Variants in RARB observed in about 807,000 individuals in gnomAD.
RARB encodes retinoic acid receptor beta.
RARB carries 17 observed loss-of-function variants against 51.9 expected under a neutral mutation model. The ratio of observed to expected loss-of-function variants is 0.33; its 90% CI spans 0.22 to 0.49. The LOEUF (loss-of-function observed/expected upper bound fraction) is 0.49, where lower values mean the gene tolerates loss of function less well. RARB is among the 20% of genes least tolerant of loss of function. The pLI, the probability that RARB is intolerant of heterozygous loss-of-function variation, is 0.99. For synonymous variants in RARB, 215 were observed against 195.4 expected, an observed-to-expected ratio of 1.10 and a Z score of -0.84; for missense variants, 369 against 550.8, an observed-to-expected ratio of 0.67 and a Z score of 3.30.
At chr3:25,082,060 A>G (rs1173426468) in intron 3 of RARB, among the ~76,000 whole-genome samples, 1 of 152,130 alleles carries the variant, frequency 6.6e-6, no homozygotes, top group East Asian at 1.9e-4. Context: ...CCTTGCTGAC[A>G]TTTATATAGC....
intron 5 of RARB, among the ~76,000 whole-genome samples, chr3:25,350,512 TTATCTCCC>T (rs1417532878): frequency 1.3e-5 from 2 of 152,180 alleles, no homozygotes; most frequent in Non-Finnish European, 2.9e-5. Flanking sequence ...TCTAGCTACT[TTATCTCCC>T]CTTATCCTGC....
intron 2 of RARB, among the ~76,000 whole-genome samples, chr3:24,919,077 TGTCCCTCATAGTAA>T (rs1414655391): frequency 6.6e-6 from 1 of 152,180 alleles, no homozygotes; most frequent in Non-Finnish European, 1.5e-5. Context: ...AATAAGAGTA[TGTCCCTCATAGTAA>T]TTTTAACAAA....
In RARB at chr3:25,163,989, G is replaced by A. The variant is rs116771461; in HGVS notation, c.-279-10130G>A. Among the ~76,000 whole-genome samples, 807 of 152,240 alleles carry A rather than the reference G, an allele frequency of 5.3e-3. 4 individuals carry two copies. The highest frequency in any genetic ancestry group is 0.018 in the African/African-American group (754 of 41,540). On this transcript the variant is annotated intron_variant, in intron 4 of 11. Coordinates refer to the RARB transcript ENST00000383772. ...AAATGGGTACTGATTCCTCTCCAAA[G>A]AGCTTGGTATGGTGGACAAAGAACA...
chr3:25,163,504 A>AAAAAAAATATATATATATATAT (rs1303712411), intron 4 of RARB, among the ~76,000 whole-genome samples: 8 of 131,092 alleles, frequency 6.1e-5, no homozygotes, highest in African/African-American at 2.6e-4. Flanking sequence ...CCTATCTCAA[A>AAAAAAAATATATATATATATAT]ATATATATAT....
chr3:25,185,405 C>T (rs1172024507), intron 5 of RARB, among the ~76,000 whole-genome samples: 1 of 152,068 alleles, frequency 6.6e-6, no homozygotes, highest in Non-Finnish European at 1.5e-5. Flanking sequence ...CCTTTATAAA[C>T]AATCTCTAAT....
At chr3:25,455,855 G>A (rs1694879353) in intron 1 of RARB, among the ~76,000 whole-genome samples, 1 of 152,200 alleles carries the variant, frequency 6.6e-6, no homozygotes, top group Non-Finnish European at 1.5e-5. Context: ...AACTGAGTAA[G>A]TCCATAAGTA....
At chr3:25,408,590 C>T (rs1384467507) in intron 5 of RARB, among the ~76,000 whole-genome samples, 1 of 152,102 alleles carries the variant, frequency 6.6e-6, no homozygotes, top group Admixed American at 6.6e-5. Context: ...ACACAGTGAC[C>T]ACAAGAAAAT....
intron 2 of RARB, among the ~76,000 whole-genome samples, chr3:24,976,643 G>A (rs1391255772): frequency 6.6e-6 from 1 of 151,834 alleles, no homozygotes; most frequent in African/African-American, 2.4e-5. Context: ...TAAGTTCTTT[G>A]TAGATTCTGC....
intron 3 of RARB, among the ~76,000 whole-genome samples, chr3:25,126,999 AC>A (rs2125331353): frequency 6.6e-6 from 1 of 151,830 alleles, no homozygotes; most frequent in African/African-American, 2.4e-5. Context: ...ATCAAAATCC[AC>A]CCCACATTCA....
chr3:24,911,157 A>G (rs897810803), intron 2 of RARB, among the ~76,000 whole-genome samples: 2 of 152,208 alleles, frequency 1.3e-5, no homozygotes, highest in Non-Finnish European at 2.9e-5. Context: ...AATAATTAAA[A>G]GTATTTCTAG....
At chr3:25,070,785 G>T (rs1698751721) in intron 3 of RARB, among the ~76,000 whole-genome samples, 3 of 152,134 alleles carry the variant, frequency 2.0e-5, no homozygotes, top group African/African-American at 7.2e-5. Flanking sequence ...GTCCCTGCAG[G>T]CATCAGTCAC....
intron 2 of RARB, among the ~76,000 whole-genome samples, chr3:25,034,806 G>A (rs1697949648): frequency 6.6e-6 from 1 of 152,212 alleles, no homozygotes; most frequent in South Asian, 2.1e-4. Flanking sequence ...GAGATTTTGT[G>A]TAAGTATCCA....
chr3:25,400,373 A>G (rs561723375), intron 5 of RARB, among the ~76,000 whole-genome samples: 48 of 152,108 alleles, frequency 3.2e-4, no homozygotes, highest in Non-Finnish European at 6.5e-4. Flanking sequence ...TATTCAAGGA[A>G]CTCATGATCT....
At chr3:25,501,731 C>A (rs1225650214) in intron 3 of RARB, among the ~76,000 whole-genome samples, 2 of 152,140 alleles carry the variant, frequency 1.3e-5, no homozygotes, top group African/African-American at 4.8e-5. Flanking sequence ...TCATAATTTG[C>A]CCTTTTTTAG....
chr3:25,552,634 G>T (rs1699893926), intron 3 of RARB, among the ~76,000 whole-genome samples: 1 of 152,182 alleles, frequency 6.6e-6, no homozygotes, highest in South Asian at 2.1e-4. Context: ...TAGAAGGTCA[G>T]TTCTCACTCT....
At chr3:25,297,892 G>T (rs898449551) in intron 5 of RARB, among the ~76,000 whole-genome samples, 2 of 152,148 alleles carry the variant, frequency 1.3e-5, no homozygotes, top group Non-Finnish European at 2.9e-5. Context: ...TGCTTTTAAT[G>T]CCTGGTGGGG....
intron 5 of RARB, among the ~76,000 whole-genome samples, chr3:25,586,284 T>C (rs1293625876): frequency 1.3e-5 from 2 of 152,120 alleles, no homozygotes; most frequent in African/African-American, 2.4e-5. Context: ...TCCCTCACAC[T>C]GCAGGTCTGT....
chr3:24,920,149 A>G (rs1290345801), intron 2 of RARB, among the ~76,000 whole-genome samples: 1 of 152,232 alleles, frequency 6.6e-6, no homozygotes, highest in African/African-American at 2.4e-5. Flanking sequence ...GGTTTTCTTG[A>G]AGAGGTCCTG....
rs79815376 is a variant in RARB, at chr3:25,185,992, T to C, written c.178+11417T>C. On this transcript the variant is annotated intron_variant, in intron 5 of 11. Transcript: ENST00000383772. Reference sequence around the variant, plus strand: ...ACAGAGTTGTATGTCCAGTATTGGGTGAACAAAGGAGTATTATGGAATGGA... The same window carrying C: ...ACAGAGTTGTATGTCCAGTATTGGGCGAACAAAGGAGTATTATGGAATGGA... Among the ~76,000 whole-genome samples, 356 of 152,138 alleles carry C rather than the reference T, an allele frequency of 2.3e-3. 2 individuals carry two copies. The highest frequency in any genetic ancestry group is 0.02 in the East Asian group (105 of 5,164).
Sources: allele counts gnomAD v4.1 joint callset (sites outside exome capture counted in the v4.1 genomes callset), GRCh38; gene constraint gnomAD v4.1.1; transcripts MANE v1.5; gene names NCBI Gene and HGNC (gene_info 2026-07-23, HGNC 2026-07-21).